FAM161A: variants seen among roughly 807,000 people sequenced by gnomAD.
FAM161A encodes FAM161 centrosomal protein A, also known as protein FAM161A.
A neutral mutation model predicts 70.9 loss-of-function variants in FAM161A; 57 were observed. The ratio of observed to expected loss-of-function variants is 0.80; its 90% CI spans 0.65 to 1.00. FAM161A has a LOEUF of 1.00. Ranked by LOEUF, FAM161A falls within the 50% of genes least tolerant of loss-of-function variation. FAM161A has a pLI of 0.00. For synonymous variants in FAM161A, 299 were observed against 295.7 expected (o/e 1.01, Z -0.12); for missense variants, 880 against 836.0 (o/e 1.05, Z -0.65).
chr2:61,851,458 C>T (rs1051669805), intron 1 of FAM161A, among the ~76,000 whole-genome samples: 4 of 152,158 alleles, frequency 2.6e-5, no homozygotes, highest in Admixed American at 2.6e-4. Context: ...CTCAGCGCCC[C>T]CTAGTAGCTG....
the FAM161A span, among the ~76,000 whole-genome samples, chr2:61,804,988 C>A: frequency 6.6e-6 from 1 of 152,210 alleles, no homozygotes; most frequent in South Asian, 2.1e-4. Context: ...GAGGACTCAA[C>A]TCTGACTGCC....
chr2:61,847,702 G>A (rs12622349), intron 1 of FAM161A, among the ~76,000 whole-genome samples: 55,271 of 151,862 alleles, frequency 0.36, 10,813 homozygotes, highest in East Asian at 0.7. Flanking sequence ...AGCCCAGGAG[G>A]TTGGGGCTGC....
chr2:61,823,452 C>A (rs1672254770), downstream of FAM161A, among the ~76,000 whole-genome samples: 1 of 150,358 alleles, frequency 6.7e-6, no homozygotes, highest in African/African-American at 2.5e-5. Context: ...GCAGCCTCAA[C>A]CACCTGGGCT....
rs1672361068 is a variant in FAM161A, at chr2:61,826,298, A to G, written c.*157T>C. ...CTTACTCTAACTGATCAAATGACCA[A>G]TCAGCTGGATTCAGGCTTTTCAGGC... On this transcript the variant is annotated 3_prime_UTR_variant, in exon 7 of 7. Coordinates refer to ENST00000404929, the MANE Select transcript of FAM161A (RefSeq NM_001201543.2). 2.6e-6 allele frequency: 2 copies of G among 779,714 alleles called. No homozygotes were observed. The highest frequency in any genetic ancestry group is 1.7e-5 in the African/African-American group (1 of 58,554). The allele number at this position is 779,714 out of a possible 1,614,324, so 48.3% of individuals were successfully genotyped here. A position where few individuals can be genotyped will look rare whatever the true frequency, so the allele number is the denominator to read the frequency against.
intron 1 of FAM161A, among the ~76,000 whole-genome samples, chr2:61,847,158 T>C (rs1673252304): frequency 6.6e-6 from 1 of 151,898 alleles, no homozygotes; most frequent in Non-Finnish European, 1.5e-5. Context: ...TGAGGCTCCA[T>C]CTCAAAAAAA....
chr2:61,823,362 C>CACAT (rs1553349801), downstream of FAM161A, among the ~76,000 whole-genome samples: 7 of 120,058 alleles, frequency 5.8e-5, no homozygotes, highest in African/African-American at 2.2e-4. Context: ...AATTTTCCAT[C>CACAT]ATATATATAT....
chr2:61,834,547 C>T (rs998861767), intron 5 of FAM161A, among the ~76,000 whole-genome samples: 2 of 151,830 alleles, frequency 1.3e-5, no homozygotes, highest in African/African-American at 4.8e-5. Context: ...ACTACAACCT[C>T]CGCCTCCCAA....
At chr2:61,804,778 G>GAAAGA in the FAM161A span, among the ~76,000 whole-genome samples, 2 of 131,534 alleles carry the variant, frequency 1.5e-5, no homozygotes, top group Non-Finnish European at 3.2e-5. Flanking sequence ...GAGAAAGAAA[G>GAAAGA]AAAGAAAGAA....
the FAM161A span, among the ~76,000 whole-genome samples, chr2:61,817,829 G>A: frequency 3.3e-5 from 5 of 152,010 alleles, no homozygotes; most frequent in Admixed American, 2.6e-4. Context: ...TAGCAGGTGC[G>A]GTGGCTTGCA....
intron 5 of FAM161A, among the ~76,000 whole-genome samples, chr2:61,827,717 T>C (rs555593778): frequency 7.2e-5 from 11 of 151,912 alleles, no homozygotes; most frequent in South Asian, 6.2e-4. Flanking sequence ...ATTACACTCC[T>C]AGGAATATAA....
At chr2:61,852,940 T>A (rs900268080) in intron 1 of FAM161A, among the ~76,000 whole-genome samples, 11 of 1,426 alleles carry the variant, frequency 7.7e-3, no homozygotes, top group African/African-American at 0.015. Context: ...ATTCCCATCT[T>A]TTTTTTTTTT....
In FAM161A at chr2:61,842,104, A is replaced by AT. The variant is rs1558486291; in HGVS notation, c.422+17dup. 1.5e-6 allele frequency: 2 copies of AT among 1,372,882 alleles called. No individual in the cohort carries two copies. The highest frequency in any genetic ancestry group is 2.1e-6 in the Non-Finnish European group (2 of 960,332). The allele number at this position is 1,372,882 out of a possible 1,614,324, so 85.0% of individuals were successfully genotyped here. ...TTTTATTTTATACTCCACAAATAAC[A>AT]TTGAGTTACAAGCTTACCTGGAAGA... On this transcript the variant is annotated intron_variant, in intron 2 of 6. Coordinates refer to ENST00000404929, the MANE Select transcript of FAM161A (RefSeq NM_001201543.2).
At chr2:61,853,634 A>G (rs1673573386) in intron 1 of FAM161A, among the ~76,000 whole-genome samples, 1 of 152,214 alleles carries the variant, frequency 6.6e-6, no homozygotes, top group Non-Finnish European at 1.5e-5. Context: ...TTGTCTAGGA[A>G]GCTTTTACAA....
Position 61,836,275 on chromosome 2 carries a change from T to C in FAM161A, c.1752-166A>G, listed in dbSNP as rs1420656164. ...TTATAAGCACAGTTCACAGTTTACC[T>C]CGATTCCTCTTCTATACCGGTTAAT... On this transcript the variant is annotated intron_variant, in intron 4 of 6. Coordinates refer to ENST00000404929, the MANE Select transcript of FAM161A (RefSeq NM_001201543.2). 6.5e-6 allele frequency: 4 copies of C among 617,202 alleles called. No homozygotes were observed. The East Asian group carries it at 1.1e-4, about 18-fold the overall frequency. The allele number at this position is 617,202 out of a possible 1,614,324, so 38.2% of individuals were successfully genotyped here.
At chr2:61,808,542 G>A in the FAM161A span, among the ~76,000 whole-genome samples, 2 of 152,170 alleles carry the variant, frequency 1.3e-5, no homozygotes, top group Non-Finnish European at 2.9e-5. Flanking sequence ...AAAGTGCTGG[G>A]ATTACAGGCA....
downstream of FAM161A, among the ~76,000 whole-genome samples, chr2:61,823,512 C>T (rs1672255946): frequency 6.6e-6 from 1 of 151,518 alleles, no homozygotes; most frequent in Non-Finnish European, 1.5e-5. Flanking sequence ...CTACTTGGTG[C>T]ATGACACCCC....
At chr2:61,833,542 CAG>C (rs1202491846) in intron 5 of FAM161A, among the ~76,000 whole-genome samples, 1 of 151,476 alleles carries the variant, frequency 6.6e-6, no homozygotes, top group African/African-American at 2.4e-5. Flanking sequence ...GACTGGGAAA[CAG>C]AAAGATGGAA....
At chr2:61,833,772 G>T (rs533867009) in intron 5 of FAM161A, among the ~76,000 whole-genome samples, 1 of 152,178 alleles carries the variant, frequency 6.6e-6, no homozygotes, top group Non-Finnish European at 1.5e-5. Context: ...GCTCATGCCT[G>T]TAATCCCATC....
At chr2:61,804,776 AAGAAAGAAAGAAAG>A in the FAM161A span, among the ~76,000 whole-genome samples, 5 of 143,350 alleles carry the variant, frequency 3.5e-5, no homozygotes, top group African/African-American at 1.3e-4. Context: ...AAGAGAAAGA[AAGAAAGAAAGAAAG>A]AAAGAAAGAA....
Sources: gnomAD v4.1 joint callset for allele counts (sites outside exome capture counted in the v4.1 genomes callset) on GRCh38, gnomAD v4.1.1 for gene constraint, MANE v1.5 for transcripts, NCBI Gene and HGNC (gene_info 2026-07-23, HGNC 2026-07-21) for gene names.